CORO2B: variants seen among roughly 807,000 people sequenced by gnomAD.
CORO2B encodes the protein coronin-2B.
Under a neutral mutation model 58.8 loss-of-function variants are expected in CORO2B, and 26 were observed. That is an observed-to-expected ratio of 0.44 (90% CI 0.32 to 0.61). The LOEUF (loss-of-function observed/expected upper bound fraction) is 0.61, where lower values mean the gene tolerates loss of function less well. Among genes scored for constraint, CORO2B ranks in the 20% least tolerant of loss-of-function variants. The pLI, the probability that CORO2B is intolerant of heterozygous loss-of-function variation, is 0.04. For synonymous variants in CORO2B, 242 were observed against 253.8 expected (o/e 0.95, Z 0.44); for missense variants, 460 against 645.1 (o/e 0.71, Z 3.11).
chr15:68,617,863 C>G (rs753153879), intron 1 of CORO2B, among the ~76,000 whole-genome samples: 1 of 152,114 alleles, frequency 6.6e-6, no homozygotes, highest in Non-Finnish European at 1.5e-5. Flanking sequence ...GAGATTGTGG[C>G]TGAATGTGGG....
the CORO2B span, among the ~76,000 whole-genome samples, chr15:68,549,435 T>C: frequency 6.6e-6 from 1 of 152,180 alleles, no homozygotes; most frequent in Non-Finnish European, 1.5e-5. Flanking sequence ...TGTTTTTATG[T>C]GTCTGTTCTC....
chr15:68,649,354 C>G (rs1901560879), intron 2 of CORO2B, among the ~76,000 whole-genome samples: 1 of 152,106 alleles, frequency 6.6e-6, no homozygotes, highest in South Asian at 2.1e-4. Flanking sequence ...TCTCTCATTT[C>G]AAGAAGTTTT....
At chr15:68,549,798 G>A in the CORO2B span, among the ~76,000 whole-genome samples, 1 of 152,054 alleles carries the variant, frequency 6.6e-6, no homozygotes, top group Admixed American at 6.6e-5. Context: ...ACAACTATCT[G>A]GGCATTGCGG....
intron 1 of CORO2B, among the ~76,000 whole-genome samples, chr15:68,605,951 C>G (rs961650602): frequency 3.7e-4 from 56 of 151,800 alleles, no homozygotes; most frequent in Admixed American, 5.9e-4. Flanking sequence ...GTCTCAAACT[C>G]CTGAACTTGT....
intron 2 of CORO2B, among the ~76,000 whole-genome samples, chr15:68,661,175 A>G (rs965578479): frequency 3.9e-5 from 6 of 152,082 alleles, no homozygotes; most frequent in African/African-American, 1.2e-4. Context: ...ACGGGGTTTC[A>G]CCATGTTGGC....
At chr15:68,652,151 C>G (rs896871233) in intron 2 of CORO2B, among the ~76,000 whole-genome samples, 1 of 152,212 alleles carries the variant, frequency 6.6e-6, no homozygotes, top group African/African-American at 2.4e-5. Context: ...TGCTGGTAAA[C>G]AGATAAGTTC....
chr15:68,633,790 C>T (rs1003499114), intron 1 of CORO2B, among the ~76,000 whole-genome samples: 16 of 152,362 alleles, frequency 1.1e-4, no homozygotes, highest in African/African-American at 3.6e-4. Flanking sequence ...GATCGTCCTT[C>T]TCTTCCATGC....
At chr15:68,673,571 C>T (rs1052652341) in intron 2 of CORO2B, among the ~76,000 whole-genome samples, 21 of 152,216 alleles carry the variant, frequency 1.4e-4, no homozygotes, top group Middle Eastern at 3.4e-3. Flanking sequence ...GGCTCCGTGG[C>T]ACATGCCTGT....
the CORO2B span, among the ~76,000 whole-genome samples, chr15:68,540,814 G>A: frequency 4.5e-4 from 69 of 152,258 alleles, no homozygotes; most frequent in Non-Finnish European, 7.3e-4. Flanking sequence ...GTGACTGTCA[G>A]TATAGTCTGC....
At chr15:68,709,559 C>T (rs571491470) in intron 3 of CORO2B, among the ~76,000 whole-genome samples, 3 of 149,678 alleles carry the variant, frequency 2.0e-5, no homozygotes, top group South Asian at 2.1e-4. Context: ...TGGCCTCAAG[C>T]GATCCTCCCA....
intron 1 of CORO2B, among the ~76,000 whole-genome samples, chr15:68,587,049 T>TACACACACACAC (rs58729813): frequency 8.5e-4 from 49 of 57,928 alleles, no homozygotes; most frequent in East Asian, 5.0e-3. Context: ...GAGATATGTA[T>TACACACACACAC]ACACACACAC....
rs71455598 is a variant in CORO2B at position 68,593,661 on chromosome 15, G to GT, written c.15+14395dup. 2.8e-3 allele frequency among the ~76,000 whole-genome samples: 403 copies of GT among 144,064 alleles called. 1 individual carries two copies. Among genetic ancestry groups the GT allele is most frequent in the Middle Eastern group, 3.6e-3 (1 of 280 alleles). 94.5% of individuals were successfully genotyped at this position (144,064 alleles called of 152,430 possible). ...GGGGAAGAAGACCCTCTCTGGGTTT[G>GT]TTTTTTTTTTTGCAACTCTGAAAAG... On this transcript the variant is annotated intron_variant, in intron 1 of 11. Transcript: ENST00000261861.
chr15:68,708,209 G>A lies in CORO2B; in HGVS notation c.334-2523G>A, dbSNP rs570310083. Among the ~76,000 whole-genome samples, 702 of 152,224 alleles carry A rather than the reference G, an allele frequency of 4.6e-3. 2 individuals are homozygous for A. Among genetic ancestry groups the A allele is most frequent in the Middle Eastern group, 0.01 (3 of 294 alleles). On this transcript the variant is annotated intron_variant, in intron 3 of 11. Transcript: ENST00000261861. ...GCCACAGGAGCTGGCTCTGTGGGGG[G>A]AACACACATGAGGGAAATGCTTATT... is the stretch of plus-strand genomic sequence containing the variant.
the CORO2B span, among the ~76,000 whole-genome samples, chr15:68,539,171 G>A: frequency 6.6e-6 from 1 of 152,266 alleles, no homozygotes; most frequent in Non-Finnish European, 1.5e-5. Context: ...CAAGCTGCAG[G>A]AGCCTGCTGA....
chr15:68,650,301 G>T (rs2140277148), intron 2 of CORO2B, among the ~76,000 whole-genome samples: 1 of 140,632 alleles, frequency 7.1e-6, no homozygotes, highest in South Asian at 2.4e-4. Context: ...AGGTTGCGGT[G>T]AGCTGAGATC....
At chr15:68,722,234 AT>A (rs1219152191) in intron 11 of CORO2B, among the ~76,000 whole-genome samples, 1 of 152,208 alleles carries the variant, frequency 6.6e-6, no homozygotes, top group Non-Finnish European at 1.5e-5. Flanking sequence ...TGGAATCAGA[AT>A]TGAGAACCTG....
chr15:68,723,533 CA>C (rs1164020977), intron 11 of CORO2B, among the ~76,000 whole-genome samples: 2 of 152,016 alleles, frequency 1.3e-5, no homozygotes, highest in Non-Finnish European at 2.9e-5. Context: ...CGGCTCACTG[CA>C]ACCTCCACCT....
intron 2 of CORO2B, among the ~76,000 whole-genome samples, chr15:68,654,848 T>C (rs1031782182): frequency 1.3e-5 from 2 of 152,196 alleles, no homozygotes; most frequent in Non-Finnish European, 2.9e-5. Context: ...GGCCAGCAAG[T>C]GTGAGCCTTG....
Position 68,726,509 on chromosome 15 carries a change from G to A in CORO2B, c.*535G>A, listed in dbSNP as rs550035835. ...GCCTGCCTCACCCGACGAGGACAGC[G>A]AGCGGCCCGGCTCCTTTCTGTCTCT... On this transcript the variant is annotated 3_prime_UTR_variant, in exon 12 of 12. Transcript: ENST00000261861. The A allele has an allele frequency of 4.6e-4, 76 of 165,270 alleles. No individual in the cohort carries two copies. The highest frequency in any genetic ancestry group is 1.9e-3 in the South Asian group (12 of 6,456). The allele number at this position is 165,270 out of a possible 1,614,324, so 10.2% of individuals were successfully genotyped here. A position where few individuals can be genotyped will look rare whatever the true frequency, so the allele number is the denominator to read the frequency against.
Sources: gnomAD v4.1 joint callset for allele counts (sites outside exome capture counted in the v4.1 genomes callset) on GRCh38, gnomAD v4.1.1 for gene constraint, MANE v1.5 for transcripts, NCBI Gene and HGNC (gene_info 2026-07-23, HGNC 2026-07-21) for gene names.